Variants in WDPCP observed in about 807,000 individuals in gnomAD.
WDPCP encodes WD repeat-containing and planar cell polarity effector protein fritz homolog.
A neutral mutation model predicts 93.1 loss-of-function variants in WDPCP; 71 were observed. That is an observed-to-expected ratio of 0.76 (90% CI 0.63 to 0.93). The LOEUF (loss-of-function observed/expected upper bound fraction) is 0.93, where lower values mean the gene tolerates loss of function less well. Ranked by LOEUF, WDPCP falls within the 40% of genes least tolerant of loss-of-function variation. The pLI, the probability that WDPCP is intolerant of heterozygous loss-of-function variation, is 0.00. For synonymous variants in WDPCP, 315 were observed against 315.0 expected (o/e 1.00, Z 0.00); for missense variants, 844 against 887.4 (o/e 0.95, Z 0.62).
intron 13 of WDPCP, among the ~76,000 whole-genome samples, chr2:63,280,716 C>T (rs561936811): frequency 2.0e-5 from 3 of 152,098 alleles, no homozygotes; most frequent in Non-Finnish European, 4.4e-5. Context: ...CAAACAAATA[C>T]ATAAAGTGAG....
intron 10 of WDPCP, among the ~76,000 whole-genome samples, chr2:63,388,900 A>T (rs921111207): frequency 2.6e-5 from 4 of 152,158 alleles, no homozygotes; most frequent in Non-Finnish European, 5.9e-5. Context: ...GGGACTATGT[A>T]AAAAGACCAA....
At chr2:63,405,190 A>G (rs1694470832) in intron 9 of WDPCP, among the ~76,000 whole-genome samples, 1 of 152,170 alleles carries the variant, frequency 6.6e-6, no homozygotes, top group African/African-American at 2.4e-5. Context: ...AGGGCTGGGT[A>G]GACAAAGGAA....
chr2:63,305,404 G>A (rs1162304011), intron 13 of WDPCP, among the ~76,000 whole-genome samples: 2 of 152,188 alleles, frequency 1.3e-5, no homozygotes, highest in Admixed American at 6.5e-5. Flanking sequence ...GATCTTTGCT[G>A]TTCTGCAGCC....
chr2:63,227,780 A>G (rs1353140425), intron 14 of WDPCP, among the ~76,000 whole-genome samples: 1 of 152,122 alleles, frequency 6.6e-6, no homozygotes, highest in Non-Finnish European at 1.5e-5. Context: ...ATGTGCTAAT[A>G]GTAGTTATTT....
At chr2:63,356,476 A>G (rs1690029493) in intron 12 of WDPCP, among the ~76,000 whole-genome samples, 1 of 152,244 alleles carries the variant, frequency 6.6e-6, no homozygotes, top group Admixed American at 6.5e-5. Context: ...CAGAATATAC[A>G]TTCTTTTCAT....
intron 12 of WDPCP, among the ~76,000 whole-genome samples, chr2:63,348,710 A>G (rs1689362019): frequency 6.6e-6 from 1 of 152,178 alleles, no homozygotes; most frequent in Non-Finnish European, 1.5e-5. Flanking sequence ...CCATGACAGT[A>G]AATCAGTCTA....
rs557381646 is a variant in WDPCP at position 63,409,883 on chromosome 2, C to A, written c.826-5226G>T. ...ACAAAACCTCCAAGAAGTCTGGGAT[C>A]ACGTTAAATGACCAAACCTAAGAAT... is the stretch of plus-strand genomic sequence containing the variant. On this transcript the variant is annotated intron_variant, in intron 9 of 17. Coordinates refer to ENST00000272321, the MANE Select transcript of WDPCP (RefSeq NM_015910.7). 3.9e-5 allele frequency among the ~76,000 whole-genome samples: 6 copies of A among 152,230 alleles called. No individual in the cohort carries two copies. In the South Asian group the frequency reaches 1.2e-3, roughly 32 times the overall value.
At chr2:63,183,754 GTCTA>G (rs902211075) in intron 14 of WDPCP, among the ~76,000 whole-genome samples, 1 of 151,942 alleles carries the variant, frequency 6.6e-6, no homozygotes, top group African/African-American at 2.4e-5. Context: ...TTATATTGCT[GTCTA>G]TCTCTTTATG....
intron 1 of WDPCP, among the ~76,000 whole-genome samples, chr2:63,552,763 G>A (rs1015630179): frequency 4.6e-5 from 7 of 152,182 alleles, no homozygotes; most frequent in Non-Finnish European, 1.0e-4. Context: ...GAAATCATTA[G>A]GGACCAGCAG....
intron 2 of WDPCP, among the ~76,000 whole-genome samples, chr2:63,703,482 G>C (rs192457914): frequency 1.5e-4 from 23 of 152,292 alleles, no homozygotes; most frequent in African/African-American, 4.3e-4. Flanking sequence ...GTGATCATGA[G>C]CATTTTTTCA....
chr2:63,798,591 C>T (rs1670647221), intron 2 of WDPCP, among the ~76,000 whole-genome samples: 1 of 151,526 alleles, frequency 6.6e-6, no homozygotes, highest in Non-Finnish European at 1.5e-5. Flanking sequence ...AAATAAAAAA[C>T]AAGAAACTAA....
chr2:63,509,673 T>C (rs776524805), intron 1 of WDPCP, among the ~76,000 whole-genome samples: 18 of 151,626 alleles, frequency 1.2e-4, no homozygotes, highest in Admixed American at 2.0e-4. Context: ...ACAAAATAGA[T>C]AGACCACTAG....
At chr2:63,323,224 G>C (rs948076727) in intron 12 of WDPCP, among the ~76,000 whole-genome samples, 7 of 152,280 alleles carry the variant, frequency 4.6e-5, no homozygotes, top group Admixed American at 6.5e-5. Context: ...CCTAACGCCT[G>C]CCAGACAAAC....
intron 14 of WDPCP, among the ~76,000 whole-genome samples, chr2:63,205,433 C>G (rs1246310927): frequency 6.6e-6 from 1 of 152,028 alleles, no homozygotes; most frequent in Non-Finnish European, 1.5e-5. Context: ...GACATTTTAT[C>G]AATATTGATT....
intron 15 of WDPCP, among the ~76,000 whole-genome samples, chr2:63,160,081 C>G (rs987339862): frequency 6.6e-6 from 1 of 152,144 alleles, no homozygotes; most frequent in African/African-American, 2.4e-5. Flanking sequence ...AAGTTCTTGT[C>G]TTCGTCCTTA....
At chr2:63,648,448 T>C (rs935720238) in intron 3 of WDPCP, among the ~76,000 whole-genome samples, 1 of 152,072 alleles carries the variant, frequency 6.6e-6, no homozygotes, top group Admixed American at 6.5e-5. Flanking sequence ...ATTCAATGAG[T>C]TGGGAAATGT....
At chr2:63,182,357 G>C (rs982414337) in intron 14 of WDPCP, among the ~76,000 whole-genome samples, 1 of 152,042 alleles carries the variant, frequency 6.6e-6, no homozygotes, top group African/African-American at 2.4e-5. Flanking sequence ...ATCACAAAAG[G>C]ATCCTTAATT....
At chr2:63,834,323 G>A in the WDPCP span, among the ~76,000 whole-genome samples, 1 of 152,208 alleles carries the variant, frequency 6.6e-6, no homozygotes, top group African/African-American at 2.4e-5. Context: ...TAGAACTTCA[G>A]TAAGTTGCTG....
At chr2:63,683,870 C>A (rs934989367) in intron 2 of WDPCP, among the ~76,000 whole-genome samples, 18 of 150,792 alleles carry the variant, frequency 1.2e-4, no homozygotes, top group Non-Finnish European at 2.1e-4. Context: ...AAAGAACAGG[C>A]AAAGAAGGTC....
Sources: gnomAD v4.1 joint callset for allele counts (sites outside exome capture counted in the v4.1 genomes callset) on GRCh38, gnomAD v4.1.1 for gene constraint, MANE v1.5 for transcripts, NCBI Gene and HGNC (gene_info 2026-07-23, HGNC 2026-07-21) for gene names.